The following MAOA variants were observed in gnomAD, a reference collection of about 807,000 sequenced individuals.
The protein encoded by MAOA is amine oxidase [flavin-containing] A.
MAOA carries 6 observed loss-of-function variants against 42.0 expected under a neutral mutation model. The observed-to-expected ratio is 0.14, with a 90% confidence interval of 0.08 to 0.28. The LOEUF (loss-of-function observed/expected upper bound fraction) is 0.28, where lower values mean the gene tolerates loss of function less well. MAOA is among the 10% of genes least tolerant of loss of function. The pLI is 1.00. For synonymous variants in MAOA, 140 were observed against 154.0 expected, an observed-to-expected ratio of 0.91 and a Z score of 0.67; for missense variants, 262 against 422.3, an observed-to-expected ratio of 0.62 and a Z score of 3.33.
chrX:43,721,063 T>C (rs974775873), intron 5 of MAOA, among the ~76,000 whole-genome samples: 1 of 110,600 alleles, frequency 9.0e-6, no homozygotes, highest in African/African-American at 3.3e-5. Context: ...GAAGAGTCAA[T>C]GGTATGTGGC....
intron 2 of MAOA, among the ~76,000 whole-genome samples, chrX:43,691,122 C>A (rs999449455): frequency 1.8e-5 from 2 of 111,415 alleles, no homozygotes; most frequent in South Asian, 3.8e-4. Context: ...GGGGCTCACG[C>A]CTGTAATCCC....
At chrX:43,736,345 G>A in intron 10 of MAOA, 65 bp downstream of exon 10, 1 of 711,968 alleles carries the variant, frequency 1.4e-6, no homozygotes, top group Non-Finnish European at 2.1e-6. Flanking sequence ...TGCACTGACA[G>A]TAGTAGAATA....
intron 10 of MAOA, among the ~76,000 whole-genome samples, chrX:43,740,440 A>G (rs983751243): frequency 2.7e-5 from 3 of 112,149 alleles, no homozygotes; most frequent in Admixed American, 9.5e-5. Context: ...ATGTAAAAAA[A>G]GAAAAGAATA....
At chrX:43,664,129 T>A (rs1453037423) in intron 1 of MAOA, among the ~76,000 whole-genome samples, 1 of 112,046 alleles carries the variant, frequency 8.9e-6, no homozygotes, top group Non-Finnish European at 1.9e-5. Flanking sequence ...CATTAGACAG[T>A]TACTAGTAAT....
intron 5 of MAOA, among the ~76,000 whole-genome samples, chrX:43,716,513 G>A: frequency 9.0e-6 from 1 of 111,275 alleles, no homozygotes; most frequent in South Asian, 3.8e-4. Flanking sequence ...GCAGGAAAGG[G>A]TAGATGTTTT....
At chrX:43,691,786 G>A (rs2033535591) in intron 2 of MAOA, among the ~76,000 whole-genome samples, 1 of 111,269 alleles carries the variant, frequency 9.0e-6, no homozygotes, top group Admixed American at 9.6e-5. Context: ...GTAGAAGAAA[G>A]GAGAATCATA....
chrX:43,727,147 G>A (rs931053575), intron 5 of MAOA, among the ~76,000 whole-genome samples: 6 of 112,003 alleles, frequency 5.4e-5, no homozygotes, highest in Non-Finnish European at 9.4e-5. Flanking sequence ...CAGGCTACAC[G>A]GGGGTCGGGG....
chrX:43,733,110 A>G (rs771772482), intron 9 of MAOA, among the ~76,000 whole-genome samples: 11 of 112,321 alleles, frequency 9.8e-5, no homozygotes, highest in African/African-American at 3.6e-4. Context: ...CCCTGCCTAC[A>G]GGCAGAATGT....
chrX:43,679,748 G>A (rs1040724363), intron 1 of MAOA, among the ~76,000 whole-genome samples: 4 of 111,757 alleles, frequency 3.6e-5, no homozygotes, highest in Non-Finnish European at 5.6e-5. Flanking sequence ...AAGGGAATGA[G>A]AAGAGATAAA....
At chrX:43,659,867 C>G (rs1352133593) in intron 1 of MAOA, among the ~76,000 whole-genome samples, 1 of 111,246 alleles carries the variant, frequency 9.0e-6, no homozygotes, top group East Asian at 2.8e-4. Flanking sequence ...GGCTATCTCT[C>G]TTCTCCTTTC....
At chrX:43,675,063 C>T (rs1280989860) in intron 1 of MAOA, among the ~76,000 whole-genome samples, 1 of 112,084 alleles carries the variant, frequency 8.9e-6, no homozygotes, top group African/African-American at 3.2e-5. Flanking sequence ...GTTCCATTCT[C>T]CCCGTCACTT....
At chrX:43,729,225 T>G (rs1001166046) in intron 6 of MAOA, among the ~76,000 whole-genome samples, 40 of 112,340 alleles carry the variant, frequency 3.6e-4, no homozygotes, top group African/African-American at 1.2e-3. Context: ...AGTTGCATTT[T>G]TTAAATGTCT....
chrX:43,712,914 A>C (rs1044195466), intron 5 of MAOA, 118 bp downstream of exon 5: 1 of 542,422 alleles, frequency 1.8e-6, no homozygotes. Flanking sequence ...GAAACCTAGT[A>C]ATCTTTCAGT....
chrX:43,700,362 A>G (rs2033613685), intron 3 of MAOA, among the ~76,000 whole-genome samples: 1 of 112,406 alleles, frequency 8.9e-6, no homozygotes, highest in Non-Finnish European at 1.9e-5. Flanking sequence ...AAATCACTTT[A>G]TCCCAACAGG....
intron 3 of MAOA, among the ~76,000 whole-genome samples, chrX:43,707,286 G>T (rs1449218518): frequency 9.0e-6 from 1 of 111,484 alleles, no homozygotes; most frequent in East Asian, 2.8e-4. Context: ...ATGCAGCCAA[G>T]TGCTAATGGG....
At chrX:43,720,411 C>T (rs771752577) in intron 5 of MAOA, among the ~76,000 whole-genome samples, 1 of 109,244 alleles carries the variant, frequency 9.2e-6, no homozygotes, top group Non-Finnish European at 1.9e-5. Context: ...CAGGAATGAG[C>T]CACATGGGAA....
chrX:43,725,093 A>G (rs920773978), intron 5 of MAOA, among the ~76,000 whole-genome samples: 9 of 111,650 alleles, frequency 8.1e-5, no homozygotes, highest in Admixed American at 6.7e-4. Flanking sequence ...TTTACTTCCA[A>G]TTATGTGGTC....
chrX:43,656,525 T>C (rs1323695415), intron 1 of MAOA, 111 bp downstream of exon 1: 3 of 721,592 alleles, frequency 4.2e-6, no homozygotes, highest in Admixed American at 2.4e-5. Context: ...GAGAGTGTAG[T>C]GTAGCCATGG....
At chrX:43,707,423 C>T (rs2033666487) in intron 3 of MAOA, among the ~76,000 whole-genome samples, 1 of 111,462 alleles carries the variant, frequency 9.0e-6, no homozygotes, top group African/African-American at 3.3e-5. Flanking sequence ...GCAATGGGGG[C>T]ATCATTTGAG....
Sources: gnomAD v4.1 joint callset for allele counts (sites outside exome capture counted in the v4.1 genomes callset) on GRCh38, gnomAD v4.1.1 for gene constraint, MANE v1.5 for transcripts, NCBI Gene and HGNC (gene_info 2026-07-23, HGNC 2026-07-21) for gene names.